The following PRKCE variants were observed in gnomAD, a reference collection of about 807,000 sequenced individuals.
PRKCE encodes the protein protein kinase C epsilon type.
Under a neutral mutation model 85.4 loss-of-function variants are expected in PRKCE, and 16 were observed. That is an observed-to-expected ratio of 0.19 (90% CI 0.13 to 0.28). The LOEUF (loss-of-function observed/expected upper bound fraction) is 0.28, where lower values mean the gene tolerates loss of function less well. Among genes scored for constraint, PRKCE ranks in the 10% least tolerant of loss-of-function variants. The pLI is 1.00. For synonymous variants in PRKCE, 388 were observed against 371.5 expected (o/e 1.04, Z -0.51); for missense variants, 573 against 975.2 (o/e 0.59, Z 5.49).
chr2:46,052,467 A>T (rs1708915989), intron 10 of PRKCE, among the ~76,000 whole-genome samples: 1 of 152,276 alleles, frequency 6.6e-6, no homozygotes. Flanking sequence ...TATACTAAAA[A>T]GTACAAAACA....
chr2:46,153,781 C>CTTTTTTTTTTT (rs70937993), intron 13 of PRKCE, among the ~76,000 whole-genome samples: 2 of 75,964 alleles, frequency 2.6e-5, no homozygotes, highest in Admixed American at 1.7e-4. Context: ...TCTTCTTCTT[C>CTTTTTTTTTTT]TTTTTTTTTT....
At chr2:46,120,402 G>A (rs1673192084) in intron 11 of PRKCE, among the ~76,000 whole-genome samples, 1 of 152,166 alleles carries the variant, frequency 6.6e-6, no homozygotes, top group Non-Finnish European at 1.5e-5. Context: ...GCAATGCACA[G>A]GACGGTCCTC....
intron 2 of PRKCE, among the ~76,000 whole-genome samples, chr2:45,906,914 T>C (rs1046334513): frequency 2.6e-5 from 4 of 152,206 alleles, no homozygotes; most frequent in South Asian, 2.1e-4. Flanking sequence ...CAGTGTTTCA[T>C]GGGCTTCTCC....
At chr2:45,823,332 A>G (rs79691276) in intron 1 of PRKCE, among the ~76,000 whole-genome samples, 1 of 152,348 alleles carries the variant, frequency 6.6e-6, no homozygotes, top group African/African-American at 2.4e-5. Context: ...TCTGGATGAA[A>G]AGGAACTGGA....
At chr2:45,985,529 T>G (rs1703248129) in intron 6 of PRKCE, among the ~76,000 whole-genome samples, 1 of 152,126 alleles carries the variant, frequency 6.6e-6, no homozygotes, top group African/African-American at 2.4e-5. Flanking sequence ...ATTCATAAAT[T>G]CCCATTGTAG....
At chr2:46,120,896 T>C (rs1490099158) in intron 11 of PRKCE, among the ~76,000 whole-genome samples, 1 of 152,220 alleles carries the variant, frequency 6.6e-6, no homozygotes, top group Admixed American at 6.5e-5. Flanking sequence ...TCCTGCCTTC[T>C]TACCGATGTA....
At chr2:46,092,386 G>A (rs1165981489) in intron 11 of PRKCE, among the ~76,000 whole-genome samples, 1 of 152,166 alleles carries the variant, frequency 6.6e-6, no homozygotes, top group East Asian at 1.9e-4. Context: ...TTCCCTGAGA[G>A]TCAGTCTTGC....
rs6758406 is a variant in PRKCE, at chr2:46,000,244, T to C, written c.824-1160T>C. Among the ~76,000 whole-genome samples the C allele has an allele frequency of 2.6e-3, 389 of 152,094 alleles. 2 individuals are homozygous for C. Among genetic ancestry groups the C allele is most frequent in the African/African-American group, 9.0e-3 (375 of 41,514 alleles). On this transcript the variant is annotated intron_variant, in intron 6 of 14. Transcript: ENST00000306156. ...AAGGAACTGTCAGTAAACAGGCTGT[T>C]AGTAATGTGAGTAACGTGTGGAGGG...
intron 2 of PRKCE, among the ~76,000 whole-genome samples, chr2:45,867,591 A>G (rs1392403387): frequency 6.6e-6 from 1 of 152,144 alleles, no homozygotes; most frequent in Non-Finnish European, 1.5e-5. Context: ...AGAGATTCAG[A>G]TTTATTTTTA....
intron 1 of PRKCE, among the ~76,000 whole-genome samples, chr2:45,803,058 G>C (rs929928416): frequency 1.3e-5 from 2 of 152,192 alleles, no homozygotes; most frequent in African/African-American, 4.8e-5. Flanking sequence ...ATAAGGTATG[G>C]CTTGAAAGGT....
In PRKCE at chr2:46,003,419, A is replaced by G. The variant is rs141853569; in HGVS notation, c.967-1123A>G. Among the ~76,000 whole-genome samples, 134 of 152,382 alleles carry G rather than the reference A, an allele frequency of 8.8e-4. 2 individuals are homozygous for G. The highest frequency in any genetic ancestry group is 1.7e-3 in the Non-Finnish European group (115 of 68,028). On this transcript the variant is annotated intron_variant, in intron 7 of 14. Transcript: ENST00000306156. ...GCATCTATGCGAAGGAACAAACCTC[A>G]CTGGAGGTGTTCTATTAAAATTTAC... is the stretch of plus-strand genomic sequence containing the variant.
intron 2 of PRKCE, chr2:45,845,397 A>G (rs958661722): frequency 6.6e-6 from 1 of 150,598 alleles, no homozygotes; most frequent in Non-Finnish European, 1.5e-5. Flanking sequence ...TTTTTTAGTG[A>G]AAATACCTAA....
At chr2:45,766,187 C>T (rs566045934) in intron 1 of PRKCE, among the ~76,000 whole-genome samples, 1 of 152,268 alleles carries the variant, frequency 6.6e-6, no homozygotes, top group African/African-American at 2.4e-5. Flanking sequence ...GGTCCGTATA[C>T]TCCATAGTCA....
intron 1 of PRKCE, among the ~76,000 whole-genome samples, chr2:45,714,261 C>T (rs146389387): frequency 5.3e-5 from 8 of 152,026 alleles, no homozygotes; most frequent in African/African-American, 1.7e-4. Context: ...AAGAGAGACA[C>T]AGAGCTAAGA....
chr2:45,970,893 TA>T (rs1219017904), intron 2 of PRKCE, among the ~76,000 whole-genome samples: 9 of 149,830 alleles, frequency 6.0e-5, no homozygotes, highest in African/African-American at 2.2e-4. Context: ...GATCAATATA[TA>T]ATATATAAAT....
chr2:45,890,211 A>T (rs1165199618), intron 2 of PRKCE, among the ~76,000 whole-genome samples: 4 of 152,224 alleles, frequency 2.6e-5, no homozygotes, highest in Non-Finnish European at 5.9e-5. Context: ...AAGCAGAAAG[A>T]ATAATGTAGT....
chr2:45,733,427 A>T (rs1681760346), intron 1 of PRKCE, among the ~76,000 whole-genome samples: 1 of 152,232 alleles, frequency 6.6e-6, no homozygotes, highest in Non-Finnish European at 1.5e-5. Context: ...TAGCAAGGGA[A>T]GACAAATAAT....
intron 6 of PRKCE, among the ~76,000 whole-genome samples, chr2:45,985,354 A>G (rs1418718985): frequency 2.0e-5 from 3 of 152,162 alleles, no homozygotes; most frequent in Non-Finnish European, 4.4e-5. Context: ...GGAGTAGCAT[A>G]TAACACAGGG....
rs114720062 is a variant in PRKCE, at chr2:45,966,805, G to T, written c.413-9624G>T. ...TTACAGTGGCAAGTAGGTAACATCTGGGGGTAGCTGAACCCCAGCAGGTTG... is the reference window on the plus strand; with the variant it reads ...TTACAGTGGCAAGTAGGTAACATCTTGGGGTAGCTGAACCCCAGCAGGTTG... On this transcript the variant is annotated intron_variant, in intron 2 of 14. Transcript: ENST00000306156. Among the ~76,000 whole-genome samples the T allele has an allele frequency of 1.7e-3, 254 of 152,248 alleles. 3 individuals are homozygous for T. The highest frequency in any genetic ancestry group is 5.9e-3 in the African/African-American group (244 of 41,542).
Sources: allele counts gnomAD v4.1 joint callset (sites outside exome capture counted in the v4.1 genomes callset), GRCh38; gene constraint gnomAD v4.1.1; transcripts MANE v1.5; gene names NCBI Gene and HGNC (gene_info 2026-07-23, HGNC 2026-07-21).